Variants in GALNT13 observed in about 807,000 individuals in gnomAD.
The protein encoded by GALNT13 is polypeptide N-acetylgalactosaminyltransferase 13.
In GALNT13, 28 loss-of-function variants were observed where a neutral mutation model predicts 64.2. The observed-to-expected ratio is 0.44, with a 90% CI of 0.32 to 0.60. GALNT13 has a LOEUF of 0.60. GALNT13 is among the 20% of genes least tolerant of loss of function. The pLI is 0.05. For synonymous variants in GALNT13, 214 were observed against 224.6 expected (o/e 0.95, Z 0.42); for missense variants, 577 against 669.8 (o/e 0.86, Z 1.53).
chr2:154,371,795 A>G (rs116460632), intron 9 of GALNT13, among the ~76,000 whole-genome samples: 39 of 148,792 alleles, frequency 2.6e-4, no homozygotes, highest in African/African-American at 8.8e-4. Context: ...TTAAATCTTA[A>G]TTTCCCATAG....
intron 1 of GALNT13, among the ~76,000 whole-genome samples, chr2:153,884,895 C>T (rs1324673925): frequency 2.9e-5 from 4 of 138,060 alleles, no homozygotes; most frequent in South Asian, 2.3e-4. Flanking sequence ...ATTTTTTAGC[C>T]GAGCGTCGTG....
the GALNT13 span, among the ~76,000 whole-genome samples, chr2:153,687,359 T>C: frequency 1.3e-5 from 2 of 151,944 alleles, no homozygotes; most frequent in Non-Finnish European, 2.9e-5. Context: ...TACTTCCTGG[T>C]TCAGTCTAGG....
chr2:154,423,875 A>T (rs1700358879), intron 11 of GALNT13, among the ~76,000 whole-genome samples: 2 of 152,136 alleles, frequency 1.3e-5, no homozygotes. Flanking sequence ...TGTAATCAAG[A>T]TTCTATAATG....
rs74409920 is a variant in GALNT13 at position 154,448,614 on chromosome 2, A to G, written c.1531-1797A>G. On this transcript the variant is annotated intron_variant, in intron 12 of 12. Transcript: ENST00000392825. Reference sequence around the variant, plus strand: ...ACTATTAGTGAATTCCTTCAAATAAATCATATATTGTTTAGAAAGAACAAT... The same window carrying G: ...ACTATTAGTGAATTCCTTCAAATAAGTCATATATTGTTTAGAAAGAACAAT... Among the ~76,000 whole-genome samples the G allele has an allele frequency of 4.1e-4, 63 of 152,158 alleles. No individual in the cohort carries two copies. The East Asian group carries it at 0.01, about 24-fold the overall frequency.
the GALNT13 span, among the ~76,000 whole-genome samples, chr2:153,639,023 G>A: frequency 1.3e-5 from 2 of 149,476 alleles, no homozygotes; most frequent in African/African-American, 4.9e-5. Flanking sequence ...TCTAGATAAA[G>A]AGTAGTTGGA....
At chr2:153,294,954 T>C in the GALNT13 span, among the ~76,000 whole-genome samples, 125,944 of 152,072 alleles carry the variant, frequency 0.83, 53,368 homozygotes, top group African/African-American at 0.92. Context: ...CTTATTGGAC[T>C]GTGAAGAGAA....
At chr2:153,894,971 A>G (rs976765614) in intron 1 of GALNT13, among the ~76,000 whole-genome samples, 1 of 152,156 alleles carries the variant, frequency 6.6e-6, no homozygotes, top group Non-Finnish European at 1.5e-5. Flanking sequence ...TAAGACTAAA[A>G]GTGTTTATTG....
At chr2:154,060,275 T>C (rs1015527027) in intron 3 of GALNT13, among the ~76,000 whole-genome samples, 1 of 152,228 alleles carries the variant, frequency 6.6e-6, no homozygotes, top group Non-Finnish European at 1.5e-5. Context: ...CTGACTAAGA[T>C]AGTGAGTAGG....
At chr2:153,391,294 G>T in the GALNT13 span, among the ~76,000 whole-genome samples, 1 of 152,042 alleles carries the variant, frequency 6.6e-6, no homozygotes, top group Non-Finnish European at 1.5e-5. Context: ...GCAGAAACAG[G>T]AGTTAAGGAG....
At chr2:154,299,792 T>G (rs1462145748) in intron 8 of GALNT13, among the ~76,000 whole-genome samples, 1 of 152,036 alleles carries the variant, frequency 6.6e-6, no homozygotes, top group Non-Finnish European at 1.5e-5. Context: ...AAGAATGAGC[T>G]TCCCTGTCTT....
intron 2 of GALNT13, among the ~76,000 whole-genome samples, chr2:153,904,393 A>G (rs1054651714): frequency 2.6e-5 from 4 of 151,958 alleles, no homozygotes; most frequent in African/African-American, 9.6e-5. Flanking sequence ...CAACTTTAGT[A>G]GATACTACCA....
the GALNT13 span, among the ~76,000 whole-genome samples, chr2:153,070,201 T>C: frequency 6.6e-6 from 1 of 152,104 alleles, no homozygotes; most frequent in South Asian, 2.1e-4. Context: ...CTAAGTAAAA[T>C]GTGCCAATCT....
At chr2:154,140,535 A>G (rs189262563) in intron 4 of GALNT13, 30 bp downstream of exon 4, 4 of 1,449,136 alleles carry the variant, frequency 2.8e-6, no homozygotes, top group East Asian at 2.3e-5. Flanking sequence ...ATAATCTTTT[A>G]TATTCATAAT....
chr2:153,522,665 G>A, the GALNT13 span, among the ~76,000 whole-genome samples: 13 of 152,144 alleles, frequency 8.5e-5, no homozygotes, highest in African/African-American at 2.2e-4. Flanking sequence ...ATCTTCTTTC[G>A]TGTGGTGCCT....
At chr2:153,634,405 A>T in the GALNT13 span, among the ~76,000 whole-genome samples, 1 of 151,986 alleles carries the variant, frequency 6.6e-6, no homozygotes, top group East Asian at 1.9e-4. Flanking sequence ...ACATTTTATA[A>T]TTGTTCTTGA....
At chr2:153,284,385 G>A in the GALNT13 span, among the ~76,000 whole-genome samples, 1 of 152,146 alleles carries the variant, frequency 6.6e-6, no homozygotes, top group South Asian at 2.1e-4. Flanking sequence ...CCACTCCAGA[G>A]CAGGCACCTC....
chr2:154,022,874 C>T (rs908517308), intron 3 of GALNT13, among the ~76,000 whole-genome samples: 14 of 152,110 alleles, frequency 9.2e-5, no homozygotes, highest in Admixed American at 2.0e-4. Context: ...TGAATGTGTC[C>T]TGGAGATTCT....
the GALNT13 span, among the ~76,000 whole-genome samples, chr2:153,294,667 G>T: frequency 6.6e-6 from 1 of 152,228 alleles, no homozygotes; most frequent in African/African-American, 2.4e-5. Flanking sequence ...AATATGAGAG[G>T]ATATTTTCTG....
chr2:153,075,811 T>C, the GALNT13 span, among the ~76,000 whole-genome samples: 12 of 152,282 alleles, frequency 7.9e-5, no homozygotes, highest in South Asian at 1.9e-3. Context: ...CATTGTTAAG[T>C]AAATATGCAT....
Sources: allele counts gnomAD v4.1 joint callset (sites outside exome capture counted in the v4.1 genomes callset), GRCh38; gene constraint gnomAD v4.1.1; transcripts MANE v1.5; gene names NCBI Gene and HGNC (gene_info 2026-07-23, HGNC 2026-07-21).